Variants in VBP1 observed in about 807,000 individuals in gnomAD.
VBP1 encodes VHL binding protein 1, also known as prefoldin subunit 3.
Under a neutral mutation model 15.5 loss-of-function variants are expected in VBP1, and 4 were observed. The ratio of observed to expected loss-of-function variants is 0.26; its 90% CI spans 0.13 to 0.59. The LOEUF (loss-of-function observed/expected upper bound fraction) is 0.59. Among genes scored for constraint, VBP1 ranks in the 20% least tolerant of loss-of-function variants. The pLI is 0.90. For missense variants in VBP1, 108 were observed against 139.6 expected (o/e 0.77, Z 1.14); for synonymous variants, 61 against 52.1 (o/e 1.17, Z -0.74).
At chrX:155,237,305 C>T (rs782284757) in intron 5 of VBP1, among the ~76,000 whole-genome samples, 2 of 111,034 alleles carry the variant, frequency 1.8e-5, no homozygotes, top group South Asian at 3.9e-4. Context: ...ATAAATCAGT[C>T]GCCAGATTCA....
At chrX:155,236,925 G>A (rs1478786959) in intron 5 of VBP1, among the ~76,000 whole-genome samples, 1 of 112,471 alleles carries the variant, frequency 8.9e-6, no homozygotes, top group Non-Finnish European at 1.9e-5. Context: ...TTAGAAAAGA[G>A]TGGCAGTGCC....
intron 1 of VBP1, 27 bp downstream of exon 1, chrX:155,216,602 C>A (rs199687654): frequency 9.4e-6 from 11 of 1,167,452 alleles, no homozygotes; most frequent in African/African-American, 1.8e-5. Flanking sequence ...TCCCTGGCAT[C>A]TTGGCTTGAG....
chrX:155,205,468 C>T (rs896903068), intron 1 of VBP1, among the ~76,000 whole-genome samples: 1 of 111,667 alleles, frequency 9.0e-6, no homozygotes, highest in Non-Finnish European at 1.9e-5. Flanking sequence ...ATACATCTTT[C>T]TTTCACTCCA....
At chrX:155,220,133 T>A (rs1557309418) in intron 1 of VBP1, 50 bp from the exon 2 acceptor site, 1 of 1,135,768 alleles carries the variant, frequency 8.8e-7, no homozygotes, top group East Asian at 3.1e-5. Context: ...TCAAAAAATC[T>A]GAGTGGCATG....
upstream of VBP1, among the ~76,000 whole-genome samples, chrX:155,214,220 T>A (rs2074653994): frequency 8.9e-6 from 1 of 112,615 alleles, no homozygotes; most frequent in Admixed American, 9.4e-5. Context: ...TGAATTACTT[T>A]TTTCTTATTA....
At chrX:155,203,719 C>T (rs1382066620) in intron 1 of VBP1, among the ~76,000 whole-genome samples, 5 of 109,717 alleles carry the variant, frequency 4.6e-5, no homozygotes, top group Non-Finnish European at 7.6e-5. Context: ...TGTAACTAAC[C>T]TGCACATTGT....
At chrX:155,202,437 T>G (rs1471751685) in intron 1 of VBP1, among the ~76,000 whole-genome samples, 2 of 111,197 alleles carry the variant, frequency 1.8e-5, no homozygotes, top group Non-Finnish European at 3.8e-5. Context: ...GGAACAGAGC[T>G]CTCAGAAATA....
At chrX:155,216,372 C>T, upstream of VBP1, 1 of 1,124,199 alleles carries the variant, frequency 8.9e-7, no homozygotes, top group African/African-American at 1.8e-5. Context: ...TCCCTGCGCA[C>T]CAATGAATGT....
intron 2 of VBP1, among the ~76,000 whole-genome samples, chrX:155,210,817 G>C (rs781783738): frequency 8.9e-6 from 1 of 112,208 alleles, no homozygotes; most frequent in South Asian, 3.7e-4. Context: ...GGTTGCCTAT[G>C]ATTCCTTGTC....
At chrX:155,203,422 A>G (rs1426696420) in intron 1 of VBP1, among the ~76,000 whole-genome samples, 2 of 110,674 alleles carry the variant, frequency 1.8e-5, no homozygotes, top group Non-Finnish European at 3.8e-5. Flanking sequence ...ATGGAATACT[A>G]TGCAGCCATA....
intron 4 of VBP1, among the ~76,000 whole-genome samples, chrX:155,233,910 GA>G (rs2074758298): frequency 9.1e-6 from 1 of 110,408 alleles, no homozygotes; most frequent in African/African-American, 3.3e-5. Flanking sequence ...AAAAAAATCA[GA>G]AAACTGCATA....
intron 1 of VBP1, among the ~76,000 whole-genome samples, chrX:155,203,183 A>C (rs1353850621): frequency 1.8e-5 from 2 of 111,410 alleles, no homozygotes; most frequent in Non-Finnish European, 3.8e-5. Context: ...TAGTTCAACC[A>C]TTGTGGAAGT....
intron 2 of VBP1, among the ~76,000 whole-genome samples, chrX:155,224,731 G>A (rs1473518418): frequency 8.9e-6 from 1 of 111,906 alleles, no homozygotes; most frequent in Non-Finnish European, 1.9e-5. Flanking sequence ...TCTCTTTTTC[G>A]ACACTTGAAT....
intron 4 of VBP1, among the ~76,000 whole-genome samples, chrX:155,230,453 A>G (rs1466922960): frequency 9.0e-6 from 1 of 111,191 alleles, no homozygotes; most frequent in Admixed American, 9.5e-5. Flanking sequence ...TTTTGGGGAC[A>G]CTGTTTAACC....
rs782391653 is a variant in VBP1 at position 155,216,567 on chromosome X, G to T, written c.85G>T (p.Val29Leu). The T allele has an allele frequency of 8.6e-6, 10 of 1,167,677 alleles. No individual in the cohort carries two copies. In the East Asian group the frequency reaches 2.6e-4, roughly 30 times the overall value. ...GCTCCACCTGGGGATTCCTGAGGCC[G>T]TGTTTGTGGTAAGAGGCACGCTGTT... ...RRLHLGIPEAVFVEDVDSFMK... is the reference protein window; with the variant it reads ...RRLHLGIPEALFVEDVDSFMK... Residue 29 changes from valine (V) to leucine (L), a missense_variant, in exon 1 of 6, where the codon GTG becomes TTG. Coordinates refer to ENST00000286428, the MANE Select transcript of VBP1 (RefSeq NM_003372.7).
At position 155,238,913 on chromosome X, in the gene VBP1, T is replaced by G; in HGVS notation, c.*71T>G. On this transcript the variant is annotated 3_prime_UTR_variant, in exon 6 of 6. Transcript: ENST00000286428. ...TAAATACCCCTTTATCCTTACAGGTTGACATAACTTTGAATGTTTTAACAG... is the reference window on the plus strand; with the variant it reads ...TAAATACCCCTTTATCCTTACAGGTGGACATAACTTTGAATGTTTTAACAG... 1.2e-6 allele frequency: 1 copy of G among 832,222 alleles called. No individual in the cohort carries two copies. Among genetic ancestry groups the G allele is most frequent in the South Asian group, 3.4e-5 (1 of 29,785 alleles). 68.6% of individuals were successfully genotyped at this position (832,222 alleles called of 1,213,427 possible).
At chrX:155,226,725 A>T (rs949661645) in intron 2 of VBP1, among the ~76,000 whole-genome samples, 2 of 112,050 alleles carry the variant, frequency 1.8e-5, no homozygotes, top group Non-Finnish European at 3.8e-5. Context: ...TATGTGCATC[A>T]CTGGATAGGG....
intron 1 of VBP1, among the ~76,000 whole-genome samples, chrX:155,197,784 C>A (rs12397843): frequency 1.8e-5 from 2 of 111,996 alleles, no homozygotes; most frequent in Non-Finnish European, 3.8e-5. Flanking sequence ...GCGCACTGTG[C>A]GCAAGCCGAA....
At chrX:155,216,754 C>T (rs2074666654) in intron 1 of VBP1, among the ~76,000 whole-genome samples, 179 bp downstream of exon 1, 1 of 111,850 alleles carries the variant, frequency 8.9e-6, no homozygotes, top group African/African-American at 3.3e-5. Context: ...GGGGCCCGCC[C>T]GGAAGAAACG....
Sources: gnomAD v4.1 joint callset for allele counts (sites outside exome capture counted in the v4.1 genomes callset) on GRCh38, gnomAD v4.1.1 for gene constraint, MANE v1.5 for transcripts, NCBI Gene and HGNC (gene_info 2026-07-23, HGNC 2026-07-21) for gene names.